The following PAPOLA variants were observed in gnomAD, a reference collection of about 807,000 sequenced individuals.
The protein encoded by PAPOLA is polynucleotide adenylyltransferase alpha.
PAPOLA carries 15 observed loss-of-function variants against 100.6 expected under a neutral mutation model. That is an observed-to-expected ratio of 0.15 (90% CI 0.10 to 0.23). The LOEUF is 0.23. Ranked by LOEUF, PAPOLA falls within the 10% of genes least tolerant of loss-of-function variation. PAPOLA has a pLI of 1.00. For synonymous variants in PAPOLA, 293 were observed against 300.0 expected (o/e 0.98, Z 0.24); for missense variants, 533 against 884.2 (o/e 0.60, Z 5.04).
intron 15 of PAPOLA, among the ~76,000 whole-genome samples, chr14:96,545,433 C>G (rs750511776): frequency 9.2e-5 from 14 of 152,028 alleles, no homozygotes; most frequent in Non-Finnish European, 1.2e-4. Flanking sequence ...CTATCACCAG[C>G]AGCGTTAGCA....
intron 12 of PAPOLA, among the ~76,000 whole-genome samples, chr14:96,541,363 C>CT (rs1284366847): frequency 6.6e-6 from 1 of 152,060 alleles, no homozygotes; most frequent in Non-Finnish European, 1.5e-5. Context: ...TATACTGCTA[C>CT]TTTTGAAACT....
chr14:96,502,555 G>A lies in PAPOLA; in HGVS notation c.-38G>A, dbSNP rs201180646. On this transcript the variant is annotated 5_prime_UTR_variant, in exon 1 of 22. Coordinates refer to ENST00000216277, the MANE Select transcript of PAPOLA (RefSeq NM_032632.5). ...CCAGGGCGGCAGCGGCGGCGGTTGC[G>A]GGGGGGAAGTGACTGGGCGGTGCCG... 3.3e-6 allele frequency: 5 copies of A among 1,503,266 alleles called. No homozygotes were observed. The Admixed American group carries it at 6.0e-5, about 18-fold the overall frequency. The allele number at this position is 1,503,266 out of a possible 1,614,324, so 93.1% of individuals were successfully genotyped here.
At chr14:96,507,294 T>G (rs996843387) in intron 1 of PAPOLA, among the ~76,000 whole-genome samples, 2 of 137,324 alleles carry the variant, frequency 1.5e-5, no homozygotes, top group South Asian at 2.3e-4. Flanking sequence ...TTTTTTTTTT[T>G]TTTTTTTTTT....
intron 1 of PAPOLA, among the ~76,000 whole-genome samples, chr14:96,517,614 T>TA (rs1440202931): frequency 6.6e-6 from 1 of 152,116 alleles, no homozygotes; most frequent in Non-Finnish European, 1.5e-5. Flanking sequence ...TGAATTCAGT[T>TA]ACATTTCATG....
chr14:96,514,424 G>A (rs193294036), intron 1 of PAPOLA, among the ~76,000 whole-genome samples: 259 of 151,366 alleles, frequency 1.7e-3, no homozygotes, highest in Non-Finnish European at 2.9e-3. Flanking sequence ...GTCGTGATCC[G>A]CCCGCCTTGG....
chr14:96,553,975 G>A (rs1204268110), intron 17 of PAPOLA, among the ~76,000 whole-genome samples: 1 of 152,088 alleles, frequency 6.6e-6, no homozygotes, highest in African/African-American at 2.4e-5. Context: ...AAGACTTCAG[G>A]CCTGAATATG....
intron 11 of PAPOLA, 58 bp downstream of exon 11, chr14:96,536,057 A>T: frequency 7.6e-7 from 1 of 1,312,832 alleles, no homozygotes. Context: ...ACCATTGTAG[A>T]CCCAGTAGTC....
At chr14:96,504,297 A>G (rs1374458386) in intron 1 of PAPOLA, 1 of 152,268 alleles carries the variant, frequency 6.6e-6, no homozygotes, top group African/African-American at 2.4e-5. Context: ...CTAGGAATTA[A>G]AAGTACTTTT....
At chr14:96,564,678 G>A (rs1902139224) in intron 21 of PAPOLA, among the ~76,000 whole-genome samples, 1 of 151,990 alleles carries the variant, frequency 6.6e-6, no homozygotes, top group Non-Finnish European at 1.5e-5. Context: ...GTGATTCTTA[G>A]AGGAACAATT....
At chr14:96,543,404 ATTGT>A (rs1197571667) in intron 14 of PAPOLA, among the ~76,000 whole-genome samples, 15 of 152,144 alleles carry the variant, frequency 9.9e-5, no homozygotes, top group South Asian at 2.1e-4. Context: ...TGTTGATTTG[ATTGT>A]TTGCTGTTCG....
intron 15 of PAPOLA, among the ~76,000 whole-genome samples, chr14:96,547,158 A>G (rs752465714): frequency 1.3e-5 from 2 of 152,112 alleles, no homozygotes; most frequent in Non-Finnish European, 2.9e-5. Context: ...TTCACTGCTT[A>G]TCTCCAGTGT....
chr14:96,532,222 T>C (rs1019839437), intron 7 of PAPOLA, 109 bp from the exon 8 acceptor site: 50 of 1,414,300 alleles, frequency 3.5e-5, no homozygotes, highest in Non-Finnish European at 5.5e-6. Context: ...CTCAGAAAAT[T>C]TGGAAGCATT....
intron 1 of PAPOLA, among the ~76,000 whole-genome samples, chr14:96,514,335 G>A (rs1017354601): frequency 1.3e-5 from 2 of 151,424 alleles, no homozygotes; most frequent in African/African-American, 2.4e-5. Context: ...CACCACGCCC[G>A]GCTAATTTTT....
At chr14:96,503,282 C>T (rs1456436343) in intron 1 of PAPOLA, among the ~76,000 whole-genome samples, 1 of 152,240 alleles carries the variant, frequency 6.6e-6, no homozygotes, top group Non-Finnish European at 1.5e-5. Context: ...TTATGTATTG[C>T]TTTCCCTGTT....
chr14:96,547,969 A>G (rs1208906813), intron 16 of PAPOLA, 51 bp downstream of exon 16: 8 of 1,418,686 alleles, frequency 5.6e-6, no homozygotes, highest in Non-Finnish European at 7.7e-6. Flanking sequence ...TGTTTTATGC[A>G]TCTGGACTAT....
intron 19 of PAPOLA, among the ~76,000 whole-genome samples, chr14:96,559,581 C>CTCTCTCTATATATATA (rs370979875): frequency 8.3e-6 from 1 of 120,178 alleles, no homozygotes; most frequent in African/African-American, 3.4e-5. Context: ...CTCTCTCTCT[C>CTCTCTCTATATATATA]TATATATATA....
chr14:96,544,301 T>G (rs896729255), intron 15 of PAPOLA, 43 bp downstream of exon 15: 1 of 935,664 alleles, frequency 1.1e-6, no homozygotes, highest in African/African-American at 1.6e-5. Flanking sequence ...AGTTCTTGCA[T>G]ATTTCAAATT....
At chr14:96,552,329 C>G in intron 16 of PAPOLA, 151 bp from the exon 17 acceptor site, 1 of 650,456 alleles carries the variant, frequency 1.5e-6, no homozygotes, top group South Asian at 2.1e-5. Context: ...CAAATCGTTG[C>G]CTTTTAGAGT....
chr14:96,530,073 G>A (rs1898861597), intron 6 of PAPOLA, among the ~76,000 whole-genome samples: 1 of 152,094 alleles, frequency 6.6e-6, no homozygotes. Flanking sequence ...AAGGATGTTT[G>A]CCTTATATTT....
Sources: allele counts gnomAD v4.1 joint callset (sites outside exome capture counted in the v4.1 genomes callset), GRCh38; gene constraint gnomAD v4.1.1; transcripts MANE v1.5; gene names NCBI Gene and HGNC (gene_info 2026-07-23, HGNC 2026-07-21).